Variants in DGKH observed in about 807,000 individuals in gnomAD.
DGKH encodes diacylglycerol kinase eta, also known as DAG kinase eta.
DGKH carries 90 observed loss-of-function variants against 159.3 expected under a neutral mutation model. That is an observed-to-expected ratio of 0.57 (90% CI 0.48 to 0.67). The LOEUF (loss-of-function observed/expected upper bound fraction) is 0.67, where lower values mean the gene tolerates loss of function less well. Among genes scored for constraint, DGKH ranks in the 30% least tolerant of loss-of-function variants. The pLI is 0.00. For synonymous variants in DGKH, 536 were observed against 553.8 expected (o/e 0.97, Z 0.45); for missense variants, 1,181 against 1,506.1 (o/e 0.78, Z 3.57).
intron 20 of DGKH, among the ~76,000 whole-genome samples, chr13:42,204,465 A>C (rs1957416333): frequency 6.6e-6 from 1 of 152,206 alleles, no homozygotes; most frequent in Non-Finnish European, 1.5e-5. Flanking sequence ...AAGGTAAATC[A>C]ACCAATCCTG....
At chr13:42,107,698 G>A (rs1954786188) in intron 1 of DGKH, among the ~76,000 whole-genome samples, 1 of 152,086 alleles carries the variant, frequency 6.6e-6, no homozygotes, top group East Asian at 1.9e-4. Context: ...GGGTAAGGCA[G>A]CCCCGCTGTG....
chr13:42,115,910 T>C (rs1329928252), intron 1 of DGKH, among the ~76,000 whole-genome samples: 2 of 152,090 alleles, frequency 1.3e-5, no homozygotes, highest in African/African-American at 4.8e-5. Flanking sequence ...CCAAGAGAAT[T>C]AGAGGAGCCC....
chr13:42,154,845 C>T (rs550246623), intron 3 of DGKH, among the ~76,000 whole-genome samples: 1 of 151,816 alleles, frequency 6.6e-6, no homozygotes, highest in East Asian at 1.9e-4. Flanking sequence ...TCCAGACCAT[C>T]CTGGCCAACA....
chr13:42,215,730 T>C (rs1220212618), intron 26 of DGKH, 63 bp downstream of exon 26: 28 of 1,418,802 alleles, frequency 2.0e-5, no homozygotes, highest in South Asian at 2.6e-5. Flanking sequence ...CTTACCTTCA[T>C]TGGGGAACAG....
intron 29 of DGKH, among the ~76,000 whole-genome samples, chr13:42,250,671 T>A (rs945218949): frequency 6.6e-6 from 1 of 152,202 alleles, no homozygotes; most frequent in Non-Finnish European, 1.5e-5. Flanking sequence ...TCAATACATA[T>A]CCCTGCGGCA....
At chr13:42,096,550 T>G (rs982168722) in intron 1 of DGKH, among the ~76,000 whole-genome samples, 2 of 152,198 alleles carry the variant, frequency 1.3e-5, no homozygotes, top group African/African-American at 4.8e-5. Context: ...TTTGAGAGAC[T>G]TCAAATTTAA....
At chr13:42,151,567 ACTTATAT>A (rs1955896420) in intron 3 of DGKH, among the ~76,000 whole-genome samples, 1 of 63,662 alleles carries the variant, frequency 1.6e-5, no homozygotes, top group Admixed American at 2.1e-4. Context: ...ATGTAGTTTC[ACTTATAT>A]GTATACACAC....
chr13:42,229,879 G>A lies in DGKH; in HGVS notation c.*691G>A, dbSNP rs1958243416. On this transcript the variant is annotated 3_prime_UTR_variant, in exon 30 of 30. Coordinates refer to ENST00000337343, the MANE Select transcript of DGKH (RefSeq NM_178009.5). ...TTTATTACTAAAGTACATTTTTGTT[G>A]GTTAAGGGCACTGCACTTTTCTGTT... is the stretch of plus-strand genomic sequence containing the variant. 1 of 152,188 alleles carries A rather than the reference G, an allele frequency of 6.6e-6. No individual in the cohort carries two copies. Among genetic ancestry groups the A allele is most frequent in the Non-Finnish European group, 1.5e-5 (1 of 68,006 alleles). The allele number at this position is 152,188 out of a possible 1,614,324, so 9.4% of individuals were successfully genotyped here.
intron 1 of DGKH, among the ~76,000 whole-genome samples, chr13:42,065,133 C>CGTCAGA (rs1566082758): frequency 6.6e-6 from 1 of 152,142 alleles, no homozygotes; most frequent in East Asian, 1.9e-4. Context: ...CACCTCCGAA[C>CGTCAGA]GTCAGAAGGG....
At chr13:42,148,500 C>T (rs1955793884) in intron 3 of DGKH, among the ~76,000 whole-genome samples, 1 of 152,116 alleles carries the variant, frequency 6.6e-6, no homozygotes, top group African/African-American at 2.4e-5. Flanking sequence ...TCACTGCACC[C>T]CTAACTCATG....
rs185309751 is a variant in DGKH, at chr13:42,197,175, G to A, written c.2168-1303G>A. Among the ~76,000 whole-genome samples the A allele has an allele frequency of 6.7e-4, 101 of 150,888 alleles. 1 individual carries two copies. Among genetic ancestry groups the A allele is most frequent in the African/African-American group, 2.1e-3 (86 of 41,182 alleles). ...TGAGGCAGGATTATCCCTTGAAGCC[G>A]GGAGGCGGAGGTTGCAGTGATCTGA... On this transcript the variant is annotated intron_variant, in intron 17 of 29. Coordinates refer to ENST00000337343, the MANE Select transcript of DGKH (RefSeq NM_178009.5).
At chr13:42,056,581 A>G (rs1447521729) in intron 1 of DGKH, among the ~76,000 whole-genome samples, 1 of 152,214 alleles carries the variant, frequency 6.6e-6, no homozygotes, top group Non-Finnish European at 1.5e-5. Context: ...TGATTATACA[A>G]AAGTTTGAAT....
chr13:42,118,938 T>C (rs1955013754), intron 1 of DGKH, among the ~76,000 whole-genome samples: 1 of 152,190 alleles, frequency 6.6e-6, no homozygotes, highest in Non-Finnish European at 1.5e-5. Context: ...TTTTAGAACA[T>C]AAATAGACCA....
At chr13:42,200,983 T>TTTTATTTA (rs149544122) in intron 20 of DGKH, among the ~76,000 whole-genome samples, 31,830 of 150,852 alleles carry the variant, frequency 0.21, 4,121 homozygotes, top group Admixed American at 0.28. Context: ...GCCACATTCT[T>TTTTATTTA]TTTATTTATT....
At chr13:42,217,122 G>A (rs1417302817) in intron 26 of DGKH, among the ~76,000 whole-genome samples, 2 of 152,170 alleles carry the variant, frequency 1.3e-5, no homozygotes, top group Admixed American at 6.5e-5. Flanking sequence ...GGAATTGATT[G>A]TATTTGAGAG....
At chr13:42,070,393 G>T (rs2137690857) in intron 1 of DGKH, 1 of 1,405,152 alleles carries the variant, frequency 7.1e-7, no homozygotes, top group Non-Finnish European at 1.0e-6. Flanking sequence ...ATGTGCACCT[G>T]CAAAAAGGGT....
At chr13:42,220,218 G>A (rs937383232) in intron 28 of DGKH, among the ~76,000 whole-genome samples, 8 of 152,136 alleles carry the variant, frequency 5.3e-5, no homozygotes, top group Non-Finnish European at 1.0e-4. Context: ...ATGGAACATA[G>A]AAACTTTCAT....
At chr13:42,160,751 C>G (rs894645559) in intron 7 of DGKH, among the ~76,000 whole-genome samples, 1 of 152,188 alleles carries the variant, frequency 6.6e-6, no homozygotes, top group Non-Finnish European at 1.5e-5. Context: ...TAGTGATTGC[C>G]TTGCACTGGG....
At chr13:42,069,467 A>T (rs1329784144) in intron 1 of DGKH, 23 of 1,549,238 alleles carry the variant, frequency 1.5e-5, no homozygotes, top group Non-Finnish European at 2.0e-5. Context: ...ACATCAGTAG[A>T]CTCATGTTGG....
Sources: allele counts gnomAD v4.1 joint callset (sites outside exome capture counted in the v4.1 genomes callset), GRCh38; gene constraint gnomAD v4.1.1; transcripts MANE v1.5; gene names NCBI Gene and HGNC (gene_info 2026-07-23, HGNC 2026-07-21).